Variants in COL23A1 observed in about 807,000 individuals in gnomAD.
COL23A1 encodes collagen alpha-1(XXIII) chain.
COL23A1 carries 97 observed loss-of-function variants against 99.3 expected under a neutral mutation model. The observed-to-expected ratio is 0.98, with a 90% confidence interval of 0.83 to 1.16. COL23A1 has a LOEUF of 1.16. Ranked by LOEUF, COL23A1 falls within the 50% of genes most tolerant of loss-of-function variation. The pLI is 0.00. For synonymous variants in COL23A1, 320 were observed against 308.2 expected, an observed-to-expected ratio of 1.04 and a Z score of -0.40; for missense variants, 762 against 757.4, an observed-to-expected ratio of 1.01 and a Z score of -0.07.
intron 2 of COL23A1, among the ~76,000 whole-genome samples, chr5:178,445,818 T>TA (rs1561978930): frequency 3.3e-5 from 5 of 150,050 alleles, no homozygotes; most frequent in South Asian, 2.1e-4. Flanking sequence ...AATCAAAAAA[T>TA]AAAAAAAAAG....
At chr5:178,332,145 C>T (rs1760063489) in intron 2 of COL23A1, among the ~76,000 whole-genome samples, 1 of 152,230 alleles carries the variant, frequency 6.6e-6, no homozygotes, top group Non-Finnish European at 1.5e-5. Context: ...TGGTGACACC[C>T]CCAGACACCA....
intron 2 of COL23A1, among the ~76,000 whole-genome samples, chr5:178,516,165 C>T (rs1562043441): frequency 6.6e-6 from 1 of 152,208 alleles, no homozygotes; most frequent in East Asian, 1.9e-4. Flanking sequence ...TCCCGTGCTT[C>T]AGGGCCTCCC....
chr5:178,283,390 GC>G (rs1329595192), intron 5 of COL23A1, among the ~76,000 whole-genome samples: 1 of 152,106 alleles, frequency 6.6e-6, no homozygotes, highest in Non-Finnish European at 1.5e-5. Context: ...CTGTGCACTT[GC>G]TTTTTCCTCT....
chr5:178,472,611 C>T (rs990162041), intron 2 of COL23A1, among the ~76,000 whole-genome samples: 2 of 152,170 alleles, frequency 1.3e-5, no homozygotes, highest in East Asian at 1.9e-4. Context: ...GCTTATAATG[C>T]ATCAGTCCTA....
At chr5:178,504,954 A>G (rs148982459) in intron 2 of COL23A1, among the ~76,000 whole-genome samples, 45 of 152,340 alleles carry the variant, frequency 3.0e-4, no homozygotes, top group African/African-American at 1.0e-3. Flanking sequence ...GATGGCCCCA[A>G]TAGGGACCTC....
Position 178,544,644 on chromosome 5 carries a change from C to T in COL23A1, c.361+16038G>A, listed in dbSNP as rs10058330. Among the ~76,000 whole-genome samples, 3,610 of 152,272 alleles carry T rather than the reference C, an allele frequency of 0.024. 137 individuals are homozygous for T. The highest frequency in any genetic ancestry group is 0.08 in the African/African-American group (3,334 of 41,536). ...GCCGGCCTCTATCCCCACTGTGAGA[C>T]GGGCGGTGCCACAAATGGGAGGTGA... On this transcript the variant is annotated intron_variant, in intron 2 of 28. Coordinates refer to ENST00000390654, the MANE Select transcript of COL23A1 (RefSeq NM_173465.4). This position sits in a 1 kb window ranked among gnomAD's most constrained non-coding sequence, Gnocchi z 4.4.
Position 178,559,873 on chromosome 5 carries a change from C to T in COL23A1, c.361+809G>A, listed in dbSNP as rs764985653. On this transcript the variant is annotated intron_variant, in intron 2 of 28. Coordinates refer to ENST00000390654, the MANE Select transcript of COL23A1 (RefSeq NM_173465.4). ...GACACATCACCCAAAAGTCACCTTT[C>T]CCTGCACGTCGAGAAGTCTGAGACA... is the stretch of plus-strand genomic sequence containing the variant. 8.7e-3 allele frequency among the ~76,000 whole-genome samples: 1,279 copies of T among 147,038 alleles called. 24 individuals are homozygous for T. Among genetic ancestry groups the T allele is most frequent in the Middle Eastern group, 0.038 (9 of 234 alleles).
chr5:178,386,845 C>A lies in COL23A1; in HGVS notation c.362-79926G>T, dbSNP rs143112099. ...CACTCCTATGGCCGTGGGGAGGTGA[C>A]CTTCTTTTGCCCTGATGCTCACTGG... On this transcript the variant is annotated intron_variant, in intron 2 of 28. Coordinates refer to ENST00000390654, the MANE Select transcript of COL23A1 (RefSeq NM_173465.4). Among the ~76,000 whole-genome samples, 441 of 152,302 alleles carry A rather than the reference C, an allele frequency of 2.9e-3. 5 individuals carry two copies. Among genetic ancestry groups the A allele is most frequent in the Non-Finnish European group, 3.1e-3 (210 of 68,024 alleles).
intron 2 of COL23A1, among the ~76,000 whole-genome samples, chr5:178,356,708 C>T (rs1223395870): frequency 6.6e-6 from 1 of 152,236 alleles, no homozygotes; most frequent in East Asian, 1.9e-4. Context: ...GCCGGCTTGG[C>T]TGCCTGAGGA....
chr5:178,585,893 A>T (rs1335408055), intron 1 of COL23A1, among the ~76,000 whole-genome samples: 1 of 152,218 alleles, frequency 6.6e-6, no homozygotes, highest in Non-Finnish European at 1.5e-5. Context: ...TTGCCAGTGA[A>T]GGGGATGGCG....
intron 2 of COL23A1, among the ~76,000 whole-genome samples, chr5:178,484,151 C>T (rs533446952): frequency 7.2e-5 from 11 of 152,142 alleles, no homozygotes; most frequent in Non-Finnish European, 1.3e-4. Flanking sequence ...GTCTTGAACT[C>T]GACCTCAGGT....
chr5:178,244,128 C>T (rs542298286), intron 25 of COL23A1, among the ~76,000 whole-genome samples: 2 of 149,304 alleles, frequency 1.3e-5, no homozygotes, highest in South Asian at 2.2e-4. Flanking sequence ...TACAGGCACC[C>T]GCCACCATGC....
At chr5:178,500,306 G>A (rs1384904884) in intron 2 of COL23A1, among the ~76,000 whole-genome samples, 6 of 151,500 alleles carry the variant, frequency 4.0e-5, no homozygotes, top group African/African-American at 9.7e-5. Flanking sequence ...ATGAAATTGA[G>A]GCTGAGTGTG....
In COL23A1 at chr5:178,544,845, G is replaced by A. The variant is rs377759757; in HGVS notation, c.361+15837C>T. Among the ~76,000 whole-genome samples, 7 of 152,296 alleles carry A rather than the reference G, an allele frequency of 4.6e-5. No individual in the cohort carries two copies. In the East Asian group the frequency reaches 9.7e-4, roughly 21 times the overall value. The stretch of plus-strand genomic sequence containing the variant: ...GGAGGCCAAAGCGGGTGGATTGGTG[G>A]AGCCCAGGAGTTTGAGACCAGGGAG... On this transcript the variant is annotated intron_variant, in intron 2 of 28. Transcript: ENST00000390654. The surrounding 1 kb of genome is among the most constrained non-coding windows in gnomAD (Gnocchi z 4.4).
At chr5:178,393,875 C>T (rs931888760) in intron 2 of COL23A1, among the ~76,000 whole-genome samples, 2 of 152,188 alleles carry the variant, frequency 1.3e-5, no homozygotes, top group African/African-American at 4.8e-5. Context: ...AATCCACCTG[C>T]TTTGGCCTCC....
chr5:178,482,147 T>C (rs1004537477), intron 2 of COL23A1, among the ~76,000 whole-genome samples: 1 of 152,008 alleles, frequency 6.6e-6, no homozygotes, highest in East Asian at 1.9e-4. Flanking sequence ...ACACAGATAG[T>C]TTTATACCAA....
At chr5:178,359,250 G>A (rs1291936960) in intron 2 of COL23A1, among the ~76,000 whole-genome samples, 2 of 152,230 alleles carry the variant, frequency 1.3e-5, no homozygotes. Context: ...GGGGCTGGGT[G>A]CAGTGGCTCA....
At chr5:178,261,839 C>T (rs1007823646) in intron 10 of COL23A1, 91 bp from the exon 11 acceptor site, 8 of 1,125,016 alleles carry the variant, frequency 7.1e-6, no homozygotes, top group Middle Eastern at 1.9e-4. Flanking sequence ...TAAAAGGTGA[C>T]ACCAATCCCA....
At chr5:178,302,644 A>G (rs1290819859) in intron 3 of COL23A1, among the ~76,000 whole-genome samples, 1 of 152,214 alleles carries the variant, frequency 6.6e-6, no homozygotes, top group Admixed American at 6.5e-5. Context: ...CCTTCCAGAT[A>G]CCCTAGAATA....
Sources: allele counts gnomAD v4.1 joint callset (sites outside exome capture counted in the v4.1 genomes callset), GRCh38; gene constraint gnomAD v4.1.1; non-coding constraint Gnocchi (gnomAD v3.1); transcripts MANE v1.5; gene names NCBI Gene and HGNC (gene_info 2026-07-23, HGNC 2026-07-21).